Variants in FARP2 observed in about 807,000 individuals in gnomAD.
FARP2 encodes FERM, ARHGEF and pleckstrin domain-containing protein 2.
A neutral mutation model predicts 130.5 loss-of-function variants in FARP2; 111 were observed. The observed-to-expected ratio is 0.85, with a 90% CI of 0.73 to 1.00. FARP2 has a LOEUF of 1.00. Ranked by LOEUF, FARP2 falls within the 50% of genes least tolerant of loss-of-function variation. The pLI is 0.00. For missense variants in FARP2, 1,385 were observed against 1,346.3 expected, an observed-to-expected ratio of 1.03 and a Z score of -0.45; for synonymous variants, 504 against 516.9, an observed-to-expected ratio of 0.98 and a Z score of 0.34.
chr2:241,366,100 A>ATATATAT lies in FARP2; in HGVS notation c.-24-6984_-24-6983insTATATAT, dbSNP rs1553705591. ...TGAGACCTCATCACTACTAAAAAAA[A>ATATATAT]AAAAATATATATATATATATACGTA... On this transcript the variant is annotated intron_variant, in intron 1 of 26. Transcript: ENST00000264042. 2.9e-3 allele frequency among the ~76,000 whole-genome samples: 27 copies of ATATATAT among 9,216 alleles called. No homozygotes were observed. The South Asian group carries it at 0.059, about 20-fold the overall frequency. 6.0% of individuals were successfully genotyped at this position (9,216 alleles called of 152,430 possible). A position where few individuals can be genotyped will look rare whatever the true frequency, so the allele number is the denominator to read the frequency against.
chr2:241,453,415 G>A (rs990427019), intron 13 of FARP2, among the ~76,000 whole-genome samples: 3 of 151,890 alleles, frequency 2.0e-5, no homozygotes, highest in African/African-American at 7.3e-5. Context: ...AAGGTCAGGA[G>A]ATCGAGACCA....
At chr2:241,402,851 TA>T (rs2062211614) in intron 2 of FARP2, among the ~76,000 whole-genome samples, 5 of 9,666 alleles carry the variant, frequency 5.2e-4, no homozygotes, top group African/African-American at 3.5e-4. Flanking sequence ...TATATATATA[TA>T]TATATATATA....
rs546065494 is a variant in FARP2, at chr2:241,414,470, G to A, written c.623+1049G>A. On this transcript the variant is annotated intron_variant, in intron 7 of 26. Transcript: ENST00000264042. ...TCATGTGTGTCGTTAAGGCTCTACC[G>A]GGACCTGCTGGCAGCTGCCCTTTCA... 1.5e-4 allele frequency among the ~76,000 whole-genome samples: 23 copies of A among 152,296 alleles called. No homozygotes were observed. The South Asian group carries it at 3.7e-3, about 25-fold the overall frequency.
At chr2:241,362,728 C>T (rs1339970545) in intron 1 of FARP2, among the ~76,000 whole-genome samples, 2 of 152,150 alleles carry the variant, frequency 1.3e-5, no homozygotes, top group African/African-American at 2.4e-5. Flanking sequence ...CTGTAGGTAG[C>T]CCCTATCAGT....
chr2:241,393,758 C>T (rs766896795), intron 2 of FARP2, among the ~76,000 whole-genome samples: 9 of 152,146 alleles, frequency 5.9e-5, no homozygotes, highest in Non-Finnish European at 1.0e-4. Context: ...AGGCCTTTGT[C>T]GCCCATTTTC....
intron 19 of FARP2, among the ~76,000 whole-genome samples, chr2:241,481,178 G>A (rs557457941): frequency 1.2e-4 from 18 of 152,004 alleles, no homozygotes; most frequent in African/African-American, 2.2e-4. Context: ...AGAGTGAACC[G>A]TGATCGTACC....
chr2:241,363,013 TGGA>T (rs747716646), intron 1 of FARP2, among the ~76,000 whole-genome samples: 8 of 152,246 alleles, frequency 5.3e-5, no homozygotes, highest in Non-Finnish European at 1.0e-4. Context: ...GACATGTGCA[TGGA>T]GCAGCTGTTG....
chr2:241,491,015 A>G, intron 22 of FARP2, 46 bp from the exon 23 acceptor site: 1 of 1,459,514 alleles, frequency 6.9e-7, no homozygotes, highest in Non-Finnish European at 9.6e-7. Flanking sequence ...CTGGGGCCCT[A>G]CACAAGGAAG....
intron 1 of FARP2, among the ~76,000 whole-genome samples, chr2:241,371,774 T>C (rs1398791788): frequency 6.6e-6 from 1 of 152,196 alleles, no homozygotes; most frequent in South Asian, 2.1e-4. Flanking sequence ...TGTTTTATTG[T>C]ATTAAATATT....
chr2:241,463,158 T>C (rs2064070445), intron 15 of FARP2, among the ~76,000 whole-genome samples, 177 bp from the exon 16 acceptor site: 1 of 152,234 alleles, frequency 6.6e-6, no homozygotes, highest in South Asian at 2.1e-4. Context: ...AGTTTCATTA[T>C]ATTTGAAAAC....
intron 1 of FARP2, among the ~76,000 whole-genome samples, chr2:241,361,047 C>T (rs1559698074): frequency 2.0e-5 from 3 of 151,004 alleles, no homozygotes; most frequent in Non-Finnish European, 4.4e-5. Context: ...AAAAAACACA[C>T]ATCTTAGGCA....
Position 241,462,536 on chromosome 2 carries a change from A to G in FARP2, c.1601A>G (p.Asp534Gly), listed in dbSNP as rs754455093. 4 of 1,613,682 alleles carry G rather than the reference A, an allele frequency of 2.5e-6. No individual in the cohort carries two copies. The African/African-American group carries it at 4.0e-5, about 16-fold the overall frequency. The change falls in exon 15 of 27, where the codon GAC becomes GGC. Residue 534 changes from aspartate to glycine, a missense_variant. Asp to Gly is a moderately conservative substitution (Grantham distance 94). Coordinates refer to ENST00000264042, the MANE Select transcript of FARP2 (RefSeq NM_014808.4). ...EEPRHKRVPA[D>G]EAYFIVKEIL... Reference sequence around the variant, plus strand: ...TGCTTCTTTCAGCGCGTGCCTGCAGACGAGGCCTACTTCATAGTCAAAGAG... The same window carrying G: ...TGCTTCTTTCAGCGCGTGCCTGCAGGCGAGGCCTACTTCATAGTCAAAGAG...
chr2:241,415,989 C>CTCTGTGTGTGTGTG (rs764755388), intron 7 of FARP2, among the ~76,000 whole-genome samples: 39 of 141,786 alleles, frequency 2.8e-4, no homozygotes, highest in Non-Finnish European at 4.4e-4. Flanking sequence ...CAGGGTAGTT[C>CTCTGTGTGTGTGTG]TGTGTGTGTG....
At chr2:241,431,654 A>C in intron 8 of FARP2, 25 bp from the exon 9 acceptor site, 1 of 1,231,442 alleles carries the variant, frequency 8.1e-7, no homozygotes, top group Non-Finnish European at 1.2e-6. Context: ...ATACAAATGT[A>C]ATCTGTCTGT....
At position 241,492,986 on chromosome 2, in the gene FARP2, C is replaced by T. The variant is rs755683110; in HGVS notation, c.2845C>T (p.Leu949Phe). The change falls in exon 25 of 27, where the codon CTC becomes TTC. Residue 949 changes from leucine to phenylalanine, a missense_variant. Coordinates refer to ENST00000264042, the MANE Select transcript of FARP2 (RefSeq NM_014808.4). Reference protein sequence around the residue: ...KFKNSHGWQKLWVVFTNFCLF... With the variant: ...KFKNSHGWQKFWVVFTNFCLF... ...CAAAAACAGTCATGGCTGGCAGAAG[C>T]TCTGGGTCGTCTTTACCAACTTCTG... is the stretch of plus-strand genomic sequence containing the variant. 10 of 1,612,812 alleles carry T rather than the reference C, an allele frequency of 6.2e-6. No individual in the cohort carries two copies. Among genetic ancestry groups the T allele is most frequent in the Non-Finnish European group, 7.6e-6 (9 of 1,178,826 alleles).
chr2:241,453,580 T>C (rs1285319703), intron 13 of FARP2, among the ~76,000 whole-genome samples: 31 of 150,396 alleles, frequency 2.1e-4, no homozygotes, highest in Admixed American at 9.3e-4. Context: ...CGAGATCGTG[T>C]CACTGCACTC....
chr2:241,444,660 G>T (rs556263295), intron 13 of FARP2: 4 of 152,120 alleles, frequency 2.6e-5, no homozygotes, highest in Admixed American at 2.6e-4. Context: ...CTCATCACTC[G>T]CTCATGTGCG....
rs998667102 is a variant in FARP2, at chr2:241,468,373, C to T, written c.2127C>T (p.Cys709=). 3 of 1,606,740 alleles carry T rather than the reference C, an allele frequency of 1.9e-6. No homozygotes were observed. Among genetic ancestry groups the T allele is most frequent in the Non-Finnish European group, 2.6e-6 (3 of 1,174,450 alleles). ...CCGGGCACCATGACTACGCTGACTG[C>T]CATGGTGAGTGTGGGTGCGGCCCTG... ...YSPGHHDYAD[C]HDALKAITEV... The change falls in exon 18 of 27, where the codon TGC becomes TGT. Residue 709 remains cysteine (C), a synonymous_variant. Coordinates refer to ENST00000264042, the MANE Select transcript of FARP2 (RefSeq NM_014808.4).
chr2:241,470,010 G>A (rs1036728235), intron 18 of FARP2, among the ~76,000 whole-genome samples: 4 of 152,176 alleles, frequency 2.6e-5, no homozygotes, highest in Non-Finnish European at 4.4e-5. Flanking sequence ...GAGCCCAGTC[G>A]ATGAAACATT....
Sources: gnomAD v4.1 joint callset for allele counts (sites outside exome capture counted in the v4.1 genomes callset) on GRCh38, gnomAD v4.1.1 for gene constraint, MANE v1.5 for transcripts, NCBI Gene and HGNC (gene_info 2026-07-23, HGNC 2026-07-21) for gene names.